Variants in SLC12A3 observed in about 807,000 individuals in gnomAD.
SLC12A3 encodes solute carrier family 12 member 3.
SLC12A3 carries 104 observed loss-of-function variants against 121.0 expected under a neutral mutation model. That is an observed-to-expected ratio of 0.86 (90% CI 0.73 to 1.01). SLC12A3 has a LOEUF of 1.01. Ranked by LOEUF, SLC12A3 falls within the 50% of genes least tolerant of loss-of-function variation. The pLI, the probability that SLC12A3 is intolerant of heterozygous loss-of-function variation, is 0.00. For synonymous variants in SLC12A3, 536 were observed against 533.4 expected (o/e 1.00, Z -0.07); for missense variants, 1,328 against 1,356.3 (o/e 0.98, Z 0.33).
At chr16:56,876,651 C>T (rs9972789) in intron 8 of SLC12A3, among the ~76,000 whole-genome samples, 39,285 of 152,084 alleles carry the variant, frequency 0.26, 5,237 homozygotes, top group East Asian at 0.35. Flanking sequence ...TCCCATTTTC[C>T]CCAGGCCTGC....
At chr16:56,912,176 G>A (rs560690133) in intron 25 of SLC12A3, among the ~76,000 whole-genome samples, 33 of 152,354 alleles carry the variant, frequency 2.2e-4, no homozygotes, top group African/African-American at 7.2e-4. Context: ...TGAGTCCCAC[G>A]GAAGGTGCTG....
chr16:56,902,330 G>T (rs779956055), intron 23 of SLC12A3, 43 bp from the exon 24 acceptor site: 140 of 1,613,516 alleles, frequency 8.7e-5, no homozygotes, highest in Non-Finnish European at 1.2e-4. Context: ...CTAGAAATGG[G>T]GTTATCGTCT....
chr16:56,909,864 GC>G (rs1284106799), intron 25 of SLC12A3, among the ~76,000 whole-genome samples: 1 of 152,110 alleles, frequency 6.6e-6, no homozygotes, highest in Admixed American at 6.6e-5. Context: ...GGGAGAGCGT[GC>G]TTGGAGCATT....
intron 20 of SLC12A3, among the ~76,000 whole-genome samples, chr16:56,892,558 C>A (rs1330696655): frequency 5.3e-5 from 8 of 152,184 alleles, no homozygotes; most frequent in African/African-American, 1.7e-4. Flanking sequence ...CCTGCCAAGG[C>A]CCCTCTAGCC....
chr16:56,869,762 CG>C lies in SLC12A3; in HGVS notation c.541del (p.Val181Ter). 1 of 1,614,170 alleles carries C rather than the reference CG, an allele frequency of 6.2e-7. No individual in the cohort carries two copies. The highest frequency in any genetic ancestry group is 8.5e-7 in the Non-Finnish European group (1 of 1,180,014). ...TGGATCATCATCCTGCTGTCGGTCA[CG>C]GTGACCTCCATCACAGGCCTCTCCA... Reference protein sequence around the residue: ...LTWIIILLSVTVTSITGLSIS... With the variant: ...LTWIIILLSVXVTSITGLSIS... On this transcript the variant is annotated frameshift_variant, in exon 4 of 26. Coordinates refer to ENST00000563236, the MANE Select transcript of SLC12A3 (RefSeq NM_001126108.2). LOFTEE classifies it high-confidence loss of function.
rs1432765062 is a variant in SLC12A3, at chr16:56,909,037, CTAATTA to C, written c.2925-4223_2925-4218del. On this transcript the variant is annotated intron_variant, in intron 25 of 25. Coordinates refer to ENST00000563236, the MANE Select transcript of SLC12A3 (RefSeq NM_001126108.2). ...CCATGTCTCTCTAGCCTCAGTTTCC[CTAATTA>C]TAAAGAGTTAACAAAAGTATTTCCA... is the stretch of plus-strand genomic sequence containing the variant. 3.9e-5 allele frequency among the ~76,000 whole-genome samples: 6 copies of C among 152,340 alleles called. No individual in the cohort carries two copies. The South Asian group carries it at 8.3e-4, about 21-fold the overall frequency.
intron 21 of SLC12A3, among the ~76,000 whole-genome samples, chr16:56,893,393 T>TAA (rs199573248): frequency 1.4e-4 from 21 of 151,728 alleles, no homozygotes; most frequent in African/African-American, 5.1e-4. Flanking sequence ...CCTCTCCCAT[T>TAA]AAAAAACAAA....
At position 56,870,735 on chromosome 16, in the gene SLC12A3, A is replaced by G. The variant is rs1300608983; in HGVS notation, c.851A>G (p.Lys284Arg). 1.3e-6 allele frequency: 2 copies of G among 1,599,676 alleles called. No homozygotes were observed. The highest frequency in any genetic ancestry group is 1.3e-5 in the African/African-American group (1 of 74,598). Residue 284 changes from lysine (K) to arginine (R), a missense_variant and splice_region_variant, in exon 6 of 26, where the codon AAG (lysine) becomes AGG (arginine). Physicochemically the swap from Lys to Arg is conservative, Grantham distance 26. Transcript: ENST00000563236. ...CTGGCTGGCATGGAGTGGGAGTCCA[A>G]GGTGAGGAGGCCATGGAGGAGGGGG... ...ISLAGMEWESKAQVLFFLVIM... is the reference protein window; with the variant it reads ...ISLAGMEWESRAQVLFFLVIM...
intron 4 of SLC12A3, 97 bp downstream of exon 4, chr16:56,869,921 C>T (rs1369364210): frequency 1.5e-5 from 21 of 1,373,584 alleles, no homozygotes; most frequent in African/African-American, 1.1e-4. Context: ...TACACCCAGC[C>T]GCTCCTGTGG....
At chr16:56,891,245 G>T (rs1484254346) in intron 19 of SLC12A3, among the ~76,000 whole-genome samples, 3 of 151,706 alleles carry the variant, frequency 2.0e-5, no homozygotes, top group African/African-American at 7.3e-5. Context: ...GGTGGCACGT[G>T]TCTGGAGTCT....
At chr16:56,888,498 G>A (rs2055348140) in intron 18 of SLC12A3, among the ~76,000 whole-genome samples, 1 of 151,702 alleles carries the variant, frequency 6.6e-6, no homozygotes, top group African/African-American at 2.4e-5. Flanking sequence ...CATGCAGAAT[G>A]GGCTCTAGTG....
At chr16:56,871,747 G>A (rs1192631691) in intron 6 of SLC12A3, among the ~76,000 whole-genome samples, 1 of 151,976 alleles carries the variant, frequency 6.6e-6, no homozygotes, top group African/African-American at 2.4e-5. Flanking sequence ...TTTTGAGATG[G>A]AGTCTCGTTC....
chr16:56,878,463 G>GTGATGATGATGATGA (rs34584723), intron 9 of SLC12A3, among the ~76,000 whole-genome samples: 11 of 151,630 alleles, frequency 7.3e-5, no homozygotes, highest in Non-Finnish European at 1.5e-4. Context: ...AAATCTAGGA[G>GTGATGATGATGATGA]TGATGATGAT....
chr16:56,904,022 A>G (rs756127925), intron 24 of SLC12A3, among the ~76,000 whole-genome samples: 41 of 152,340 alleles, frequency 2.7e-4, no homozygotes, highest in Non-Finnish European at 3.8e-4. Flanking sequence ...CATCATACCC[A>G]TTTTACAGAT....
In SLC12A3 at chr16:56,879,089, T is replaced by C; in HGVS notation, c.1197T>C (p.Arg399=). 1 of 1,611,994 alleles carries C rather than the reference T, an allele frequency of 6.2e-7. No homozygotes were observed. ...ISATIGSCVV[R]DASGVLNDTV... is the part of the protein sequence containing the mutation. ...TCCTCTCAGGCTCCTGCGTGGTGCG[T>C]GATGCCTCTGGGGTCCTGAATGACA... The change falls in exon 10 of 26, where the codon CGT becomes CGC. Residue 399 remains arginine (R), a synonymous_variant. Coordinates refer to ENST00000563236, the MANE Select transcript of SLC12A3 (RefSeq NM_001126108.2).
chr16:56,888,549 A>ATTTTTTTT (rs749206626), intron 18 of SLC12A3, among the ~76,000 whole-genome samples: 12 of 85,920 alleles, frequency 1.4e-4, no homozygotes, highest in Non-Finnish European at 2.3e-4. Flanking sequence ...AGATCTTTTA[A>ATTTTTTTT]TTTTTTTTTT....
At chr16:56,877,129 C>T (rs1400889371) in intron 8 of SLC12A3, among the ~76,000 whole-genome samples, 4 of 152,214 alleles carry the variant, frequency 2.6e-5, no homozygotes, top group South Asian at 2.1e-4. Context: ...CGGGGGCTCA[C>T]GCCTGTAATC....
chr16:56,877,773 G>A lies in SLC12A3; in HGVS notation c.1096-304G>A, dbSNP rs192101963. Among the ~76,000 whole-genome samples, 110 of 152,340 alleles carry A rather than the reference G, an allele frequency of 7.2e-4. 2 individuals carry two copies. The highest frequency in any genetic ancestry group is 3.4e-3 in the Middle Eastern group (1 of 294). On this transcript the variant is annotated intron_variant, in intron 8 of 25. Transcript: ENST00000563236. ...AAACCCTGGCCAAGTGGCCTCTGTGGCGCAGGCGTGGAGCTGTTGAATTTC... is the reference window on the plus strand; with the variant it reads ...AAACCCTGGCCAAGTGGCCTCTGTGACGCAGGCGTGGAGCTGTTGAATTTC...
chr16:56,872,609 G>T, intron 7 of SLC12A3, 47 bp from the exon 8 acceptor site: 1 of 1,613,970 alleles, frequency 6.2e-7, no homozygotes, highest in Non-Finnish European at 8.5e-7. Flanking sequence ...AGCAAGGGGG[G>T]TCAAGCCCTC....
Sources: gnomAD v4.1 joint callset for allele counts (sites outside exome capture counted in the v4.1 genomes callset) on GRCh38, gnomAD v4.1.1 for gene constraint, MANE v1.5 for transcripts, NCBI Gene and HGNC (gene_info 2026-07-23, HGNC 2026-07-21) for gene names.